Variants in CHCHD3 observed in about 807,000 individuals in gnomAD.
The protein encoded by CHCHD3 is MICOS complex subunit MIC19.
In CHCHD3, 20 loss-of-function variants were observed where a neutral mutation model predicts 38.2. That is an observed-to-expected ratio of 0.52 (90% confidence interval 0.37 to 0.76). CHCHD3 has a LOEUF of 0.76. Ranked by LOEUF, CHCHD3 falls within the 30% of genes least tolerant of loss-of-function variation. The probability of loss-of-function intolerance (pLI) is 0.00; values close to 1 mark genes in which losing one functional copy is unlikely to be tolerated. For synonymous variants in CHCHD3, 82 were observed against 100.0 expected (o/e 0.82, Z 1.07); for missense variants, 245 against 279.2 (o/e 0.88, Z 0.87).
At chr7:133,078,942 A>G (rs967775076) in intron 1 of CHCHD3, among the ~76,000 whole-genome samples, 1 of 152,254 alleles carries the variant, frequency 6.6e-6, no homozygotes, top group Non-Finnish European at 1.5e-5. Flanking sequence ...TAACAAACTA[A>G]GCTAAAAACA....
intron 3 of CHCHD3, among the ~76,000 whole-genome samples, chr7:132,983,928 T>C (rs997692927): frequency 4.0e-5 from 6 of 151,650 alleles, no homozygotes; most frequent in Admixed American, 1.3e-4. Flanking sequence ...GAAATACCTT[T>C]TAATCTTGTA....
chr7:132,844,281 G>A (rs1808016112), intron 5 of CHCHD3, among the ~76,000 whole-genome samples: 1 of 152,156 alleles, frequency 6.6e-6, no homozygotes, highest in South Asian at 2.1e-4. Context: ...CTTGGCGACA[G>A]AGCAAGACCT....
intron 5 of CHCHD3, among the ~76,000 whole-genome samples, chr7:132,873,675 C>A (rs1263479536): frequency 2.0e-5 from 3 of 152,054 alleles, no homozygotes; most frequent in Non-Finnish European, 4.4e-5. Flanking sequence ...CCCAGGGGCA[C>A]TCTGTCACTC....
chr7:133,040,344 T>C (rs1263406642), intron 2 of CHCHD3, among the ~76,000 whole-genome samples: 5 of 152,110 alleles, frequency 3.3e-5, no homozygotes, highest in African/African-American at 9.7e-5. Context: ...ACTGGAGGAA[T>C]TGTAGTTTCA....
intron 4 of CHCHD3, among the ~76,000 whole-genome samples, chr7:132,946,201 CAT>C (rs1444690609): frequency 3.3e-5 from 5 of 151,436 alleles, no homozygotes; most frequent in Non-Finnish European, 7.4e-5. Flanking sequence ...TATACACACA[CAT>C]ATACATATAA....
At chr7:132,821,747 C>CTTTTTTTTTTT (rs71178063) in intron 6 of CHCHD3, among the ~76,000 whole-genome samples, 2 of 100,288 alleles carry the variant, frequency 2.0e-5, no homozygotes, top group Non-Finnish European at 3.8e-5. Flanking sequence ...GCACTCAAAT[C>CTTTTTTTTTTT]TTTTTTTTTT....
At chr7:132,941,824 A>T (rs976158938) in intron 4 of CHCHD3, among the ~76,000 whole-genome samples, 1 of 152,286 alleles carries the variant, frequency 6.6e-6, no homozygotes, top group South Asian at 2.1e-4. Context: ...CCACCTGTGG[A>T]ATCTGTCTGT....
intron 6 of CHCHD3, among the ~76,000 whole-genome samples, chr7:132,836,359 A>G (rs779855659): frequency 3.3e-5 from 5 of 152,072 alleles, no homozygotes; most frequent in Non-Finnish European, 7.4e-5. Flanking sequence ...GCCTCAAGTG[A>G]TCTGCCTGCC....
At chr7:132,842,208 A>G (rs1449214367) in intron 5 of CHCHD3, among the ~76,000 whole-genome samples, 4 of 152,136 alleles carry the variant, frequency 2.6e-5, no homozygotes, top group African/African-American at 7.2e-5. Flanking sequence ...CTAGAATATA[A>G]AAGTGTATTG....
At chr7:133,074,728 T>C (rs1220520902) in intron 1 of CHCHD3, among the ~76,000 whole-genome samples, 1 of 152,220 alleles carries the variant, frequency 6.6e-6, no homozygotes, top group Non-Finnish European at 1.5e-5. Context: ...CTATTTTAAC[T>C]GATATATAAT....
At chr7:132,924,975 C>T (rs187710592) in intron 4 of CHCHD3, among the ~76,000 whole-genome samples, 42 of 152,220 alleles carry the variant, frequency 2.8e-4, no homozygotes, top group African/African-American at 1.0e-3. Context: ...GAACCTGTAT[C>T]CCTTTGATCT....
chr7:133,066,182 G>A (rs1302731179), intron 2 of CHCHD3, among the ~76,000 whole-genome samples: 1 of 152,036 alleles, frequency 6.6e-6, no homozygotes, highest in East Asian at 1.9e-4. Context: ...TAACTTTTAA[G>A]AGCCACATGT....
chr7:133,043,364 G>A (rs1294882418), intron 2 of CHCHD3, among the ~76,000 whole-genome samples: 1 of 152,084 alleles, frequency 6.6e-6, no homozygotes, highest in Non-Finnish European at 1.5e-5. Context: ...AAAATCGACT[G>A]GACACGGTGG....
chr7:132,824,689 C>A (rs1461794028), intron 6 of CHCHD3, among the ~76,000 whole-genome samples: 2 of 152,158 alleles, frequency 1.3e-5, no homozygotes, highest in Admixed American at 6.5e-5. Context: ...ATTTCAAGTT[C>A]TTCAAGTCTG....
chr7:132,814,403 A>G (rs1807148177), intron 6 of CHCHD3, among the ~76,000 whole-genome samples: 1 of 152,208 alleles, frequency 6.6e-6, no homozygotes, highest in Non-Finnish European at 1.5e-5. Flanking sequence ...TTTAGAAATA[A>G]TAGGGAGAAA....
At chr7:132,821,745 A>ATCT (rs1807380110) in intron 6 of CHCHD3, among the ~76,000 whole-genome samples, 1 of 122,486 alleles carries the variant, frequency 8.2e-6, no homozygotes, top group East Asian at 2.7e-4. Flanking sequence ...TAGCACTCAA[A>ATCT]TCTTTTTTTT....
chr7:132,935,085 G>A (rs759137193), intron 4 of CHCHD3, among the ~76,000 whole-genome samples: 1 of 151,454 alleles, frequency 6.6e-6, no homozygotes, highest in Admixed American at 6.6e-5. Flanking sequence ...AAAGGACCAC[G>A]ATGAAATGGC....
intron 4 of CHCHD3, among the ~76,000 whole-genome samples, chr7:132,959,314 G>C (rs1196010486): frequency 1.3e-5 from 2 of 152,210 alleles, no homozygotes; most frequent in African/African-American, 4.8e-5. Context: ...CACTGTAAGA[G>C]CATACCCTTA....
At chr7:132,811,754 T>A (rs1423265926) in intron 6 of CHCHD3, among the ~76,000 whole-genome samples, 3 of 152,182 alleles carry the variant, frequency 2.0e-5, no homozygotes, top group Non-Finnish European at 4.4e-5. Flanking sequence ...CACTCTCCTG[T>A]TTTTCCTCCC....
Sources: allele counts gnomAD v4.1 joint callset (sites outside exome capture counted in the v4.1 genomes callset), GRCh38; gene constraint gnomAD v4.1.1; transcripts MANE v1.5; gene names NCBI Gene and HGNC (gene_info 2026-07-23, HGNC 2026-07-21).